The following CNIH3 variants were observed in gnomAD, a reference collection of about 807,000 sequenced individuals.
CNIH3 encodes cornichon family AMPA receptor auxiliary protein 3, also known as protein cornichon homolog 3.
In CNIH3, 14 loss-of-function variants were observed where a neutral mutation model predicts 24.1. The observed-to-expected ratio is 0.58, with a 90% CI of 0.38 to 0.91. The LOEUF is 0.91. Ranked by LOEUF, CNIH3 falls within the 40% of genes least tolerant of loss-of-function variation. The pLI, the probability that CNIH3 is intolerant of heterozygous loss-of-function variation, is 0.00. For synonymous variants in CNIH3, 68 were observed against 73.8 expected, an observed-to-expected ratio of 0.92 and a Z score of 0.40; for missense variants, 178 against 196.8, an observed-to-expected ratio of 0.90 and a Z score of 0.57.
chr1:224,544,985 A>G (rs1373737141), intron 2 of CNIH3, among the ~76,000 whole-genome samples: 1 of 152,172 alleles, frequency 6.6e-6, no homozygotes, highest in Non-Finnish European at 1.5e-5. Flanking sequence ...CTAAGAGACC[A>G]TGGATTCCAT....
At chr1:224,628,974 G>A (rs1395681864) in intron 1 of CNIH3, among the ~76,000 whole-genome samples, 4 of 146,426 alleles carry the variant, frequency 2.7e-5, no homozygotes, top group African/African-American at 7.7e-5. Flanking sequence ...GAGTTGTCCC[G>A]CCTTTCTGGA....
intron 3 of CNIH3, among the ~76,000 whole-genome samples, chr1:224,711,322 CTCT>C (rs1688130263): frequency 1.5e-5 from 2 of 137,470 alleles, no homozygotes; most frequent in African/African-American, 5.4e-5. Flanking sequence ...CTCTCTCTCT[CTCT>C]TTTTTTTTTT....
At chr1:224,509,776 C>A (rs1678065689) in intron 1 of CNIH3, among the ~76,000 whole-genome samples, 1 of 152,220 alleles carries the variant, frequency 6.6e-6, no homozygotes, top group Non-Finnish European at 1.5e-5. Context: ...TCTGTGCCCC[C>A]CTCGCCTGAA....
At chr1:224,535,559 A>G (rs899462668) in intron 2 of CNIH3, among the ~76,000 whole-genome samples, 1 of 152,216 alleles carries the variant, frequency 6.6e-6, no homozygotes, top group African/African-American at 2.4e-5. Context: ...TAGCAAATTA[A>G]TTACTGTGAA....
At chr1:224,542,513 A>G (rs1419572776), downstream of CNIH3, among the ~76,000 whole-genome samples, 1 of 152,232 alleles carries the variant, frequency 6.6e-6, no homozygotes, top group Non-Finnish European at 1.5e-5. Flanking sequence ...TCTGGAAGAG[A>G]AACTATGGCA....
chr1:224,560,306 T>G (rs1375342941), intron 3 of CNIH3, among the ~76,000 whole-genome samples: 1 of 152,158 alleles, frequency 6.6e-6, no homozygotes, highest in African/African-American at 2.4e-5. Context: ...GCAAACAGTT[T>G]TCCAAAGTGG....
chr1:224,597,423 C>T (rs564473872), intron 3 of CNIH3, among the ~76,000 whole-genome samples: 20 of 152,340 alleles, frequency 1.3e-4, no homozygotes, highest in African/African-American at 4.6e-4. Context: ...AGAATCTTAA[C>T]AGACAGGCCT....
intron 1 of CNIH3, among the ~76,000 whole-genome samples, chr1:224,445,042 G>A (rs1572252737): frequency 6.6e-6 from 1 of 150,716 alleles, no homozygotes; most frequent in Admixed American, 6.6e-5. Flanking sequence ...TCTAGTGAAC[G>A]TACCCGTGAA....
At chr1:224,588,520 G>A (rs1049588324) in exon 6 of CNIH3, 10 of 152,144 alleles carry the variant, frequency 6.6e-5, no homozygotes, top group African/African-American at 1.2e-4. Context: ...CAATGGCAGA[G>A]TGTCCTATGC....
At chr1:224,452,788 A>C (rs2102968021) in intron 1 of CNIH3, among the ~76,000 whole-genome samples, 1 of 148,614 alleles carries the variant, frequency 6.7e-6, no homozygotes, top group South Asian at 2.1e-4. Flanking sequence ...TCTCAAAAAA[A>C]AAAAAAAAAA....
intron 1 of CNIH3, among the ~76,000 whole-genome samples, chr1:224,505,054 C>CTTCCT (rs1480477560): frequency 4.6e-5 from 6 of 131,796 alleles, no homozygotes; most frequent in African/African-American, 1.7e-4. Context: ...TCCTTCCTTC[C>CTTCCT]TTCCTTCCTT....
At chr1:224,696,989 T>G (rs6661687) in intron 3 of CNIH3, among the ~76,000 whole-genome samples, 2 of 152,212 alleles carry the variant, frequency 1.3e-5, no homozygotes, top group Non-Finnish European at 2.9e-5. Flanking sequence ...CTGCAACTGC[T>G]ACATTGCTTA....
At chr1:224,510,820 C>T (rs1678121262) in intron 1 of CNIH3, among the ~76,000 whole-genome samples, 1 of 152,112 alleles carries the variant, frequency 6.6e-6, no homozygotes, top group African/African-American at 2.4e-5. Flanking sequence ...TCAGCACACA[C>T]CAGGCCTCCC....
At chr1:224,449,369 C>T (rs529106933) in intron 1 of CNIH3, among the ~76,000 whole-genome samples, 7 of 152,306 alleles carry the variant, frequency 4.6e-5, no homozygotes, top group Admixed American at 1.3e-4. Context: ...AATCTGTCTC[C>T]TCTCTTCCAT....
chr1:224,650,608 G>C (rs925166608), intron 1 of CNIH3, among the ~76,000 whole-genome samples: 1 of 152,082 alleles, frequency 6.6e-6, no homozygotes, highest in Non-Finnish European at 1.5e-5. Context: ...GGGGGTGGAG[G>C]GGTGGGCAGT....
chr1:224,507,581 C>T (rs985168746), intron 1 of CNIH3, among the ~76,000 whole-genome samples: 9 of 152,090 alleles, frequency 5.9e-5, no homozygotes, highest in Non-Finnish European at 1.2e-4. Flanking sequence ...AGCCTGAGGG[C>T]CCATAGTTAA....
In CNIH3 at chr1:224,681,035, C is replaced by T. The variant is rs369762199; in HGVS notation, c.150+9C>T. On this transcript the variant is annotated intron_variant, in intron 2 of 5. Coordinates refer to ENST00000272133, the MANE Select transcript of CNIH3 (RefSeq NM_152495.2). ...GCAATCCTGTTCATGCGGTAAGTGG[C>T]GGGTACTGGTGAGGGGAAGGTGCTA... The T allele has an allele frequency of 1.4e-5, 23 of 1,612,920 alleles. No homozygotes were observed. The highest frequency in any genetic ancestry group is 1.1e-4 in the South Asian group (10 of 91,034).
chr1:224,439,231 G>A (rs1184418860), intron 1 of CNIH3, among the ~76,000 whole-genome samples: 2 of 152,200 alleles, frequency 1.3e-5, no homozygotes, highest in African/African-American at 4.8e-5. Context: ...GTACAGTCCT[G>A]TAAGCAAGGG....
chr1:224,666,821 A>AT, intron 1 of CNIH3, among the ~76,000 whole-genome samples: 1 of 152,202 alleles, frequency 6.6e-6, no homozygotes, highest in East Asian at 1.9e-4. Context: ...GGAATTCTAG[A>AT]TCCCCCAACG....
Sources: gnomAD v4.1 joint callset for allele counts (sites outside exome capture counted in the v4.1 genomes callset) on GRCh38, gnomAD v4.1.1 for gene constraint, MANE v1.5 for transcripts, NCBI Gene and HGNC (gene_info 2026-07-23, HGNC 2026-07-21) for gene names.